Variants in LRMDA observed in about 807,000 individuals in gnomAD.
The protein encoded by LRMDA is leucine-rich melanocyte differentiation-associated protein.
LRMDA carries 18 observed loss-of-function variants against 29.8 expected under a neutral mutation model. That is an observed-to-expected ratio of 0.60 (90% CI 0.42 to 0.90). The LOEUF (loss-of-function observed/expected upper bound fraction) is 0.90. LRMDA is among the 40% of genes least tolerant of loss of function. The pLI is 0.00. For missense variants in LRMDA, 273 were observed against 273.9 expected, an observed-to-expected ratio of 1.00 and a Z score of 0.02; for synonymous variants, 125 against 109.4, an observed-to-expected ratio of 1.14 and a Z score of -0.89.
At chr10:76,440,280 G>A (rs1196556329) in intron 6 of LRMDA, among the ~76,000 whole-genome samples, 1 of 152,202 alleles carries the variant, frequency 6.6e-6, no homozygotes. Context: ...TGAATGGGAT[G>A]AGTCCTATCA....
At chr10:76,005,944 T>C (rs532595506) in intron 2 of LRMDA, among the ~76,000 whole-genome samples, 1 of 151,636 alleles carries the variant, frequency 6.6e-6, no homozygotes, top group South Asian at 2.1e-4. Context: ...AATAAATAAA[T>C]AAATAAATAA....
rs1255773424 is a variant in LRMDA, at chr10:75,431,734, C to T, written c.10C>T (p.Leu4Phe). 66 of 1,369,558 alleles carry T rather than the reference C, an allele frequency of 4.8e-5. No homozygotes were observed. Among genetic ancestry groups the T allele is most frequent in the Non-Finnish European group, 6.1e-5 (64 of 1,056,584 alleles). The allele number at this position is 1,369,558 out of a possible 1,614,324, so 84.8% of individuals were successfully genotyped here. A position where few individuals can be genotyped will look rare whatever the true frequency, so the allele number is the denominator to read the frequency against. ...CAGCGTCCTGGCCGCCATGGCCGGG[C>T]TCGTGGTGCGTGGAACTCAAGTAAG... MAG[L>F]VVRGTQVSYI... The change falls in exon 1 of 7, where the codon CTC becomes TTC. Residue 4 changes from leucine (L) to phenylalanine (F), a missense_variant. Transcript: ENST00000611255.
chr10:75,567,393 G>T (rs981206196), intron 2 of LRMDA, among the ~76,000 whole-genome samples: 3 of 152,190 alleles, frequency 2.0e-5, no homozygotes, highest in African/African-American at 7.2e-5. Context: ...TTTAGAATCT[G>T]GAGTGAGATT....
At chr10:75,717,166 G>A (rs1361485623) in intron 2 of LRMDA, among the ~76,000 whole-genome samples, 1 of 152,204 alleles carries the variant, frequency 6.6e-6, no homozygotes, top group Non-Finnish European at 1.5e-5. Context: ...ATATTTTGGG[G>A]CAGGGGGTTG....
intron 2 of LRMDA, among the ~76,000 whole-genome samples, chr10:75,988,848 C>T (rs1241689537): frequency 1.3e-5 from 2 of 152,198 alleles, no homozygotes; most frequent in African/African-American, 4.8e-5. Flanking sequence ...CTTGCAGCTC[C>T]TCGGACCTAT....
chr10:76,101,103 A>G (rs535573616), intron 5 of LRMDA, among the ~76,000 whole-genome samples: 50 of 152,084 alleles, frequency 3.3e-4, no homozygotes, highest in Non-Finnish European at 6.9e-4. Flanking sequence ...TTTTTATTGC[A>G]TGAGTGATAT....
intron 5 of LRMDA, among the ~76,000 whole-genome samples, chr10:76,296,807 CTTGT>C (rs1840417099): frequency 6.6e-6 from 1 of 152,182 alleles, no homozygotes; most frequent in African/African-American, 2.4e-5. Context: ...TATAGTTTTT[CTTGT>C]TTGTTAATTC....
chr10:76,363,217 GAGAAAGAAAGAAAGAA>G (rs796149725), intron 6 of LRMDA, among the ~76,000 whole-genome samples: 1 of 18,056 alleles, frequency 5.5e-5, no homozygotes, highest in African/African-American at 2.6e-4. Flanking sequence ...AGGGAAGGAA[GAGAAAGAAAGAAAGAA>G]AGAAAGAAAG....
At chr10:75,573,677 T>C (rs887931255) in intron 2 of LRMDA, among the ~76,000 whole-genome samples, 14 of 152,242 alleles carry the variant, frequency 9.2e-5, no homozygotes, top group African/African-American at 3.1e-4. Flanking sequence ...TAATGGTTCC[T>C]ATGCCTTTTT....
chr10:75,596,139 C>T (rs1174296784), intron 2 of LRMDA, among the ~76,000 whole-genome samples: 1 of 152,144 alleles, frequency 6.6e-6, no homozygotes, highest in Non-Finnish European at 1.5e-5. Flanking sequence ...TTTTTACAGG[C>T]ATTTCACCCA....
At chr10:76,513,846 C>G (rs1843033177) in intron 6 of LRMDA, among the ~76,000 whole-genome samples, 1 of 152,056 alleles carries the variant, frequency 6.6e-6, no homozygotes, top group Admixed American at 6.6e-5. Flanking sequence ...TGAACTGTTC[C>G]TAGGAGTGTA....
chr10:75,781,757 A>G (rs908181717), intron 2 of LRMDA, among the ~76,000 whole-genome samples: 21 of 152,308 alleles, frequency 1.4e-4, no homozygotes, highest in East Asian at 3.9e-4. Context: ...TTTAGTTTCT[A>G]TTCTTTAATA....
intron 2 of LRMDA, among the ~76,000 whole-genome samples, chr10:75,924,090 C>A (rs1383024384): frequency 6.6e-6 from 1 of 152,154 alleles, no homozygotes; most frequent in East Asian, 1.9e-4. Flanking sequence ...CAGCTAATGC[C>A]TCAAAATTAC....
intron 2 of LRMDA, among the ~76,000 whole-genome samples, chr10:75,746,388 C>T (rs544266316): frequency 2.4e-4 from 37 of 152,278 alleles, no homozygotes; most frequent in Admixed American, 1.4e-3. Context: ...AAATTGTTTT[C>T]GTTCAAACTA....
chr10:76,356,664 C>T lies in LRMDA; in HGVS notation c.601+32179C>T, dbSNP rs561112468. Among the ~76,000 whole-genome samples the T allele has an allele frequency of 5.3e-5, 8 of 152,296 alleles. No individual in the cohort carries two copies. The South Asian group carries it at 1.5e-3, about 28-fold the overall frequency. The stretch of plus-strand genomic sequence containing the variant: ...CACATCCACTTGTGGTCACTCACTC[C>T]TATGTATGCGTGTACATCTGTTGAT... On this transcript the variant is annotated intron_variant, in intron 6 of 6. Transcript: ENST00000611255.
At chr10:76,144,605 G>A (rs1564665395) in intron 5 of LRMDA, among the ~76,000 whole-genome samples, 1 of 152,104 alleles carries the variant, frequency 6.6e-6, no homozygotes, top group Non-Finnish European at 1.5e-5. Flanking sequence ...GAGACAGTGG[G>A]GTTTTCTAGA....
At chr10:76,385,818 G>T (rs1410386509) in intron 6 of LRMDA, among the ~76,000 whole-genome samples, 1 of 152,114 alleles carries the variant, frequency 6.6e-6, no homozygotes, top group Non-Finnish European at 1.5e-5. Flanking sequence ...TATGCATCTT[G>T]TTTTCTTAAG....
chr10:76,283,633 A>G (rs1840234329), intron 5 of LRMDA, among the ~76,000 whole-genome samples: 1 of 152,208 alleles, frequency 6.6e-6, no homozygotes, highest in Admixed American at 6.5e-5. Flanking sequence ...CTATATAGGT[A>G]TTATCTCATT....
chr10:75,487,518 T>C lies in LRMDA; in HGVS notation c.131+49024T>C, dbSNP rs956581916. ...AATGCTACATGTGCTGATGAAATCA[T>C]GGTTTCGTGTTTGGGATGTGTGGGA... On this transcript the variant is annotated intron_variant, in intron 2 of 6. Coordinates refer to ENST00000611255, the MANE Select transcript of LRMDA (RefSeq NM_001305581.2). 3.3e-5 allele frequency among the ~76,000 whole-genome samples: 5 copies of C among 152,188 alleles called. 1 individual carries two copies. In the South Asian group the frequency reaches 1.0e-3, roughly 32 times the overall value.
Sources: allele counts gnomAD v4.1 joint callset (sites outside exome capture counted in the v4.1 genomes callset), GRCh38; gene constraint gnomAD v4.1.1; transcripts MANE v1.5; gene names NCBI Gene and HGNC (gene_info 2026-07-23, HGNC 2026-07-21).